The following KHDRBS2 variants were observed in gnomAD, a reference collection of about 807,000 sequenced individuals.
KHDRBS2 encodes KH RNA binding domain containing, signal transduction associated 2.
Under a neutral mutation model 44.3 loss-of-function variants are expected in KHDRBS2, and 26 were observed. The observed-to-expected ratio is 0.59, with a 90% confidence interval of 0.43 to 0.81. KHDRBS2 has a LOEUF of 0.81. KHDRBS2 is among the 40% of genes least tolerant of loss of function. The probability of loss-of-function intolerance (pLI) is 0.00; values close to 1 mark genes in which losing one functional copy is unlikely to be tolerated. For missense variants in KHDRBS2, 476 were observed against 433.1 expected (o/e 1.10, Z -0.88); for synonymous variants, 194 against 151.1 (o/e 1.28, Z -2.08).
chr6:61,954,004 C>A (rs1310150823), intron 4 of KHDRBS2, among the ~76,000 whole-genome samples: 2 of 152,088 alleles, frequency 1.3e-5, no homozygotes, highest in African/African-American at 2.4e-5. Context: ...ACAAACATGA[C>A]AAGTGAATAA....
chr6:61,558,239 T>G, the KHDRBS2 span, among the ~76,000 whole-genome samples: 1 of 152,144 alleles, frequency 6.6e-6, no homozygotes, highest in Admixed American at 6.5e-5. Flanking sequence ...TGAAGTTTTC[T>G]TACTTTTTTG....
chr6:61,592,568 A>G, the KHDRBS2 span, among the ~76,000 whole-genome samples: 1 of 152,182 alleles, frequency 6.6e-6, no homozygotes, highest in African/African-American at 2.4e-5. Flanking sequence ...TTCTCAACAA[A>G]TGCAAATATT....
At chr6:61,706,797 T>C (rs1769640107) in intron 7 of KHDRBS2, among the ~76,000 whole-genome samples, 1 of 151,788 alleles carries the variant, frequency 6.6e-6, no homozygotes, top group African/African-American at 2.4e-5. Context: ...TTTATCTCAG[T>C]TTATGTGACA....
chr6:61,945,090 T>TA (rs1175643834), intron 4 of KHDRBS2, among the ~76,000 whole-genome samples: 14 of 26,436 alleles, frequency 5.3e-4, no homozygotes, highest in South Asian at 1.5e-3. Context: ...GACTCTGTCT[T>TA]AAAAAAAAAA....
intron 2 of KHDRBS2, among the ~76,000 whole-genome samples, chr6:62,171,891 T>G (rs1257462016): frequency 6.6e-6 from 1 of 152,154 alleles, no homozygotes; most frequent in Non-Finnish European, 1.5e-5. Flanking sequence ...GGAAATTCAT[T>G]AATACCAGAC....
At chr6:61,597,231 T>A in the KHDRBS2 span, among the ~76,000 whole-genome samples, 1 of 152,208 alleles carries the variant, frequency 6.6e-6, no homozygotes, top group Non-Finnish European at 1.5e-5. Context: ...TCTTTTTAGG[T>A]GTAAATTTCT....
the KHDRBS2 span, among the ~76,000 whole-genome samples, chr6:61,554,241 C>G: frequency 6.6e-6 from 1 of 152,110 alleles, no homozygotes; most frequent in African/African-American, 2.4e-5. Flanking sequence ...GAGCCCTTAA[C>G]CATTAAGTAA....
the KHDRBS2 span, among the ~76,000 whole-genome samples, chr6:61,566,009 G>C: frequency 6.6e-6 from 1 of 151,718 alleles, no homozygotes; most frequent in African/African-American, 2.4e-5. Context: ...GTGTGTGTGT[G>C]TGTGTGTGTG....
At chr6:62,001,405 G>C (rs975209149) in intron 3 of KHDRBS2, among the ~76,000 whole-genome samples, 2 of 149,692 alleles carry the variant, frequency 1.3e-5, no homozygotes, top group African/African-American at 4.9e-5. Context: ...TTACATATTG[G>C]TGCTCTTCTT....
chr6:61,830,395 T>A (rs1791604364), intron 6 of KHDRBS2, among the ~76,000 whole-genome samples: 1 of 152,204 alleles, frequency 6.6e-6, no homozygotes, highest in South Asian at 2.1e-4. Context: ...TCTAAATGTG[T>A]CCTTATACAA....
the KHDRBS2 span, among the ~76,000 whole-genome samples, chr6:61,595,672 A>G: frequency 6.6e-6 from 1 of 151,838 alleles, no homozygotes; most frequent in Non-Finnish European, 1.5e-5. Flanking sequence ...GCTGTTTCAT[A>G]TTTTCAGATG....
chr6:61,743,439 C>G (rs1776429569), intron 6 of KHDRBS2, among the ~76,000 whole-genome samples: 1 of 151,924 alleles, frequency 6.6e-6, no homozygotes, highest in African/African-American at 2.4e-5. Flanking sequence ...TACTAAAGGC[C>G]TAATATCATT....
chr6:61,880,905 G>A (rs1257826808), intron 6 of KHDRBS2, among the ~76,000 whole-genome samples: 1 of 151,772 alleles, frequency 6.6e-6, no homozygotes, highest in Admixed American at 6.6e-5. Context: ...GGAAAACTAG[G>A]GTCCTTCATT....
chr6:61,585,313 T>A, the KHDRBS2 span, among the ~76,000 whole-genome samples: 1 of 152,042 alleles, frequency 6.6e-6, no homozygotes, highest in Admixed American at 6.6e-5. Flanking sequence ...TGGTACTTCA[T>A]CATTTGTAAG....
chr6:61,936,707 AATG>A (rs1811097978), intron 4 of KHDRBS2, among the ~76,000 whole-genome samples: 1 of 151,992 alleles, frequency 6.6e-6, no homozygotes, highest in African/African-American at 2.4e-5. Context: ...CTCTAACTTG[AATG>A]ACAATTTAGT....
chr6:61,599,161 CCT>C, the KHDRBS2 span, among the ~76,000 whole-genome samples: 7 of 151,982 alleles, frequency 4.6e-5, no homozygotes, highest in African/African-American at 1.7e-4. Flanking sequence ...GTCTCGAACT[CCT>C]GACCTTGTGA....
At chr6:61,812,002 TAA>T (rs1788200903) in intron 6 of KHDRBS2, among the ~76,000 whole-genome samples, 1 of 152,114 alleles carries the variant, frequency 6.6e-6, no homozygotes, top group Non-Finnish European at 1.5e-5. Context: ...ATTATTATTG[TAA>T]AAAGTTAATG....
In KHDRBS2 at chr6:61,783,736, A is replaced by T. The variant is rs116836118; in HGVS notation, c.811-50972T>A. Among the ~76,000 whole-genome samples the T allele has an allele frequency of 3.0e-3, 457 of 151,980 alleles. 4 individuals are homozygous for T. Among genetic ancestry groups the T allele is most frequent in the African/African-American group, 0.011 (441 of 41,532 alleles). On this transcript the variant is annotated intron_variant, in intron 6 of 8. Coordinates refer to ENST00000281156, the MANE Select transcript of KHDRBS2 (RefSeq NM_152688.4). Reference sequence around the variant, plus strand: ...GAAATGTATTTATTTTCTAAAACTAATTAAATTTTTATTTTATATAAAATT... The same window carrying T: ...GAAATGTATTTATTTTCTAAAACTATTTAAATTTTTATTTTATATAAAATT...
At chr6:62,020,403 G>C (rs752944138) in intron 3 of KHDRBS2, among the ~76,000 whole-genome samples, 1 of 151,934 alleles carries the variant, frequency 6.6e-6, no homozygotes. Context: ...CTTGAGAAAA[G>C]AATGTATATT....
Sources: gnomAD v4.1 joint callset for allele counts (sites outside exome capture counted in the v4.1 genomes callset) on GRCh38, gnomAD v4.1.1 for gene constraint, MANE v1.5 for transcripts, NCBI Gene and HGNC (gene_info 2026-07-23, HGNC 2026-07-21) for gene names.